Variants in RFTN2 observed in about 807,000 individuals in gnomAD.
The protein encoded by RFTN2 is raftlin-2.
Under a neutral mutation model 52.7 loss-of-function variants are expected in RFTN2, and 34 were observed. That is an observed-to-expected ratio of 0.64 (90% CI 0.49 to 0.86). The LOEUF is 0.86. Among genes scored for constraint, RFTN2 ranks in the 40% least tolerant of loss-of-function variants. The pLI, the probability that RFTN2 is intolerant of heterozygous loss-of-function variation, is 0.00. For missense variants in RFTN2, 536 were observed against 600.1 expected (o/e 0.89, Z 1.12); for synonymous variants, 203 against 217.7 (o/e 0.93, Z 0.59).
chr2:197,657,813 A>T (rs1171798077), intron 1 of RFTN2, among the ~76,000 whole-genome samples: 1 of 152,192 alleles, frequency 6.6e-6, no homozygotes, highest in Non-Finnish European at 1.5e-5. Context: ...CAAGGAAGGT[A>T]AACCCAGGAG....
chr2:197,575,955 A>C lies in RFTN2; in HGVS notation c.1234-3675T>G, dbSNP rs2087411807. 2.7e-5 allele frequency among the ~76,000 whole-genome samples: 4 copies of C among 149,324 alleles called. No individual in the cohort carries two copies. The South Asian group carries it at 6.3e-4, about 23-fold the overall frequency. On this transcript the variant is annotated intron_variant, in intron 8 of 8. Coordinates refer to ENST00000295049, the MANE Select transcript of RFTN2 (RefSeq NM_144629.3). The stretch of plus-strand genomic sequence containing the variant: ...AAAAAGGGAAAGCACAACAAGGAGA[A>C]TTAGCTGCTTAACTTGTGATGTTCA...
At chr2:197,649,745 G>A (rs1028847440) in intron 1 of RFTN2, among the ~76,000 whole-genome samples, 9 of 152,194 alleles carry the variant, frequency 5.9e-5, no homozygotes, top group Non-Finnish European at 1.0e-4. Context: ...AATTTAGGCA[G>A]CTCAACACTC....
chr2:197,644,296 T>G, intron 2 of RFTN2, 24 bp from the exon 3 acceptor site: 1 of 1,330,884 alleles, frequency 7.5e-7, no homozygotes. Flanking sequence ...AATATGTTTA[T>G]GGTTGGAGGC....
chr2:197,587,534 C>T (rs1452192097), intron 8 of RFTN2, among the ~76,000 whole-genome samples: 1 of 152,008 alleles, frequency 6.6e-6, no homozygotes, highest in African/African-American at 2.4e-5. Flanking sequence ...CCCCCCACCC[C>T]TGCCCGCCAG....
chr2:197,668,499 G>A (rs944735573), intron 1 of RFTN2, among the ~76,000 whole-genome samples: 1 of 152,122 alleles, frequency 6.6e-6, no homozygotes, highest in African/African-American at 2.4e-5. Flanking sequence ...CTATGCCTTG[G>A]TAGCACTTCA....
In RFTN2 at chr2:197,667,972, T is replaced by C. The variant is rs561850173; in HGVS notation, c.139+7348A>G. ...GCAGTGGGCTGGGTGGGTAGGAGGG[T>C]CCTTGGCCCCCTGGGGAGCCAGTGT... On this transcript the variant is annotated intron_variant, in intron 1 of 8. Transcript: ENST00000295049. 6.6e-4 allele frequency among the ~76,000 whole-genome samples: 101 copies of C among 152,042 alleles called. No individual in the cohort carries two copies. The Middle Eastern group carries it at 0.01, about 15-fold the overall frequency.
chr2:197,604,351 C>G (rs762171118), intron 7 of RFTN2, among the ~76,000 whole-genome samples: 1 of 152,154 alleles, frequency 6.6e-6, no homozygotes, highest in Non-Finnish European at 1.5e-5. Flanking sequence ...CTGGAGACAG[C>G]AAACCACCAG....
chr2:197,620,606 T>C (rs2106217923), intron 5 of RFTN2, among the ~76,000 whole-genome samples: 1 of 152,364 alleles, frequency 6.6e-6, no homozygotes, highest in South Asian at 2.1e-4. Context: ...TTATTATTAT[T>C]TTTTTGACAT....
chr2:197,614,258 T>C (rs1174695510), intron 7 of RFTN2, among the ~76,000 whole-genome samples: 1 of 152,234 alleles, frequency 6.6e-6, no homozygotes, highest in Non-Finnish European at 1.5e-5. Context: ...CTTTTAAATT[T>C]GATTTTTAAA....
chr2:197,592,967 C>T (rs901057803), intron 8 of RFTN2, among the ~76,000 whole-genome samples: 3 of 152,186 alleles, frequency 2.0e-5, no homozygotes, highest in Non-Finnish European at 2.9e-5. Context: ...AGCTGTTAGA[C>T]ACTTTGACTC....
At chr2:197,590,518 C>T (rs1252997840) in intron 8 of RFTN2, among the ~76,000 whole-genome samples, 2 of 152,210 alleles carry the variant, frequency 1.3e-5, no homozygotes, top group Admixed American at 6.5e-5. Context: ...ACAACAAGGG[C>T]ATGAAATGGA....
chr2:197,646,387 G>A, intron 2 of RFTN2, 96 bp downstream of exon 2: 1 of 935,192 alleles, frequency 1.1e-6, no homozygotes, highest in Non-Finnish European at 1.6e-6. Flanking sequence ...ACCCCCATGT[G>A]TCCTTTATTC....
intron 5 of RFTN2, among the ~76,000 whole-genome samples, chr2:197,629,731 A>ATTTTTT (rs386392250): frequency 2.7e-5 from 4 of 147,086 alleles, no homozygotes; most frequent in Middle Eastern, 3.5e-3. Context: ...ATTTTATTTT[A>ATTTTTT]TTTTTTTTTG....
chr2:197,636,929 A>G lies in RFTN2; in HGVS notation c.439-2932T>C, dbSNP rs1385546310. On this transcript the variant is annotated intron_variant, in intron 3 of 8. Transcript: ENST00000295049. ...AATACGTCCCATCAATACCTAATTT[A>G]TTGAGAGTTTTTAGCATGAAGTGTT... is the stretch of plus-strand genomic sequence containing the variant. Among the ~76,000 whole-genome samples the G allele has an allele frequency of 3.3e-5, 5 of 152,202 alleles. No homozygotes were observed. The East Asian group carries it at 5.8e-4, about 18-fold the overall frequency.
chr2:197,648,739 A>G (rs183768575), intron 1 of RFTN2, among the ~76,000 whole-genome samples: 3 of 152,318 alleles, frequency 2.0e-5, no homozygotes, highest in African/African-American at 7.2e-5. Flanking sequence ...CACGCGTGTT[A>G]GTCTTTCTCT....
At position 197,569,960 on chromosome 2, in the gene RFTN2, C is replaced by T. The variant is rs1052234184; in HGVS notation, c.*2048G>A. 6.9e-6 allele frequency: 1 copy of T among 144,566 alleles called. No individual in the cohort carries two copies. Among genetic ancestry groups the T allele is most frequent in the African/African-American group, 2.5e-5 (1 of 39,524 alleles). The allele number at this position is 144,566 out of a possible 1,614,324, so 9.0% of individuals were successfully genotyped here. ...AAAAAAAAAAAAAAAAAAGTTATTGCTATATTTCTGAGTTTTTTCTTAGTC... is the reference window on the plus strand; with the variant it reads ...AAAAAAAAAAAAAAAAAAGTTATTGTTATATTTCTGAGTTTTTTCTTAGTC... On this transcript the variant is annotated 3_prime_UTR_variant, in exon 9 of 9. Transcript: ENST00000295049.
At chr2:197,673,077 C>A (rs1400337524) in intron 1 of RFTN2, among the ~76,000 whole-genome samples, 1 of 152,006 alleles carries the variant, frequency 6.6e-6, no homozygotes, top group African/African-American at 2.4e-5. Flanking sequence ...GTGCCATGGC[C>A]TCTATTTGGA....
intron 7 of RFTN2, among the ~76,000 whole-genome samples, chr2:197,598,115 G>A (rs780509620): frequency 4.6e-5 from 7 of 152,120 alleles, no homozygotes; most frequent in Admixed American, 1.3e-4. Flanking sequence ...AGGAGTTTGA[G>A]ACTAGTCTGG....
rs994993445 is a variant in RFTN2, at chr2:197,568,672, T to C, written c.*3336A>G. ...TTTGATTCTCCATCTGAATTTACAC[T>C]TTCCATACAGTACTACTCTGGGGCT... On this transcript the variant is annotated 3_prime_UTR_variant, in exon 9 of 9. Coordinates refer to ENST00000295049, the MANE Select transcript of RFTN2 (RefSeq NM_144629.3). 7 of 152,218 alleles carry C rather than the reference T, an allele frequency of 4.6e-5. No homozygotes were observed. The highest frequency in any genetic ancestry group is 1.7e-4 in the African/African-American group (7 of 41,436). 9.4% of individuals were successfully genotyped at this position (152,218 alleles called of 1,614,324 possible).
Sources: gnomAD v4.1 joint callset for allele counts (sites outside exome capture counted in the v4.1 genomes callset) on GRCh38, gnomAD v4.1.1 for gene constraint, MANE v1.5 for transcripts, NCBI Gene and HGNC (gene_info 2026-07-23, HGNC 2026-07-21) for gene names.